BRD3: variants seen among roughly 807,000 people sequenced by gnomAD.
BRD3 encodes the protein bromodomain containing 3.
Under a neutral mutation model 66.8 loss-of-function variants are expected in BRD3, and 17 were observed. The ratio of observed to expected loss-of-function variants is 0.25; its 90% CI spans 0.17 to 0.38. The LOEUF (loss-of-function observed/expected upper bound fraction) is 0.38, where lower values mean the gene tolerates loss of function less well. BRD3 is among the 10% of genes least tolerant of loss of function. The pLI is 1.00. For synonymous variants in BRD3, 421 were observed against 393.2 expected (o/e 1.07, Z -0.84); for missense variants, 713 against 956.1 (o/e 0.75, Z 3.35).
At chr9:134,049,556 G>T (rs1207778897) in intron 5 of BRD3, among the ~76,000 whole-genome samples, 1 of 152,236 alleles carries the variant, frequency 6.6e-6, no homozygotes, top group Non-Finnish European at 1.5e-5. Flanking sequence ...GTCTGGCCGT[G>T]GCAAATGGGA....
chr9:134,048,039 C>T, intron 6 of BRD3, 44 bp downstream of exon 6: 1 of 1,506,330 alleles, frequency 6.6e-7, no homozygotes, highest in Non-Finnish European at 8.9e-7. Flanking sequence ...CACGGCAGAG[C>T]CGCAGGACAT....
chr9:134,055,204 C>T (rs1376251915), intron 1 of BRD3, among the ~76,000 whole-genome samples: 1 of 152,226 alleles, frequency 6.6e-6, no homozygotes, highest in East Asian at 1.9e-4. Context: ...CTGCTCTGCC[C>T]CGCAAGGACC....
rs372624324 is a variant in BRD3 at position 134,053,423 on chromosome 9, C to G, written c.55G>C (p.Val19Leu). ...GAGACCTCCGGGGGGGGTGGGTTCA[C>G]AGGGCCCGGGGTCGCCGGGATCCCC... The part of the protein sequence containing the change: ...PAGIPATPGP[V>L]NPPPPEVSNP... The change falls in exon 2 of 12, where the codon GTG (valine) becomes CTG (leucine). Residue 19 changes from valine (V) to leucine (L), a missense_variant. By Grantham distance (32) the Val-to-Leu change is conservative. Coordinates refer to ENST00000303407, the MANE Select transcript of BRD3 (RefSeq NM_007371.4). The G allele has an allele frequency of 6.2e-7, 1 of 1,612,034 alleles. No individual in the cohort carries two copies. Among genetic ancestry groups the G allele is most frequent in the Non-Finnish European group, 8.5e-7 (1 of 1,179,900 alleles).
chr9:134,039,914 ATCAC>A, intron 9 of BRD3, 116 bp downstream of exon 9: 1 of 1,464,722 alleles, frequency 6.8e-7, no homozygotes. Flanking sequence ...CCCTGCCCCC[ATCAC>A]CCTGGTTTCC....
chr9:134,032,011 G>C lies in BRD3; in HGVS notation c.*1579C>G, dbSNP rs145262108. On this transcript the variant is annotated 3_prime_UTR_variant, in exon 12 of 12. Coordinates refer to ENST00000303407, the MANE Select transcript of BRD3 (RefSeq NM_007371.4). Reference sequence around the variant, plus strand: ...ACCCCTGGGGAGGGCAGACAGGCTCGGGAGGGCCTGGCCAGGCCACTGGAG... The same window carrying C: ...ACCCCTGGGGAGGGCAGACAGGCTCCGGAGGGCCTGGCCAGGCCACTGGAG... 1 of 216,410 alleles carries C rather than the reference G, an allele frequency of 4.6e-6. No homozygotes were observed. Among genetic ancestry groups the C allele is most frequent in the Non-Finnish European group, 9.3e-6 (1 of 107,276 alleles). 13.4% of individuals were successfully genotyped at this position (216,410 alleles called of 1,614,324 possible).
intron 1 of BRD3, chr9:134,058,015 A>G (rs1004342824): frequency 6.6e-6 from 1 of 152,338 alleles, no homozygotes; most frequent in East Asian, 1.9e-4. Flanking sequence ...AGAGGGAGGC[A>G]TGGAGCGCCC....
At position 134,048,372 on chromosome 9, in the gene BRD3, G is replaced by A. The variant is rs147034361; in HGVS notation, c.797C>T (p.Pro266Leu). Residue 266 changes from proline to leucine, a missense_variant, in exon 6 of 12, where the codon CCG (proline) becomes CTG (leucine). Coordinates refer to ENST00000303407, the MANE Select transcript of BRD3 (RefSeq NM_007371.4). ...TTTGGCCTGCTTGGGGTCTGACAACGGCGGGGGCGACTCACTCCGGCTGGC... is the reference window on the plus strand; with the variant it reads ...TTTGGCCTGCTTGGGGTCTGACAACAGCGGGGGCGACTCACTCCGGCTGGC... ...ITASRSESPP[P>L]LSDPKQAKVV... 4.3e-5 allele frequency: 69 copies of A among 1,598,594 alleles called. No homozygotes were observed. Among genetic ancestry groups the A allele is most frequent in the East Asian group, 1.3e-4 (6 of 44,870 alleles).
In BRD3 at chr9:134,034,805, G is replaced by C. The variant is rs751413175; in HGVS notation, c.1961C>G (p.Ala654Gly). The C allele has an allele frequency of 6.2e-7, 1 of 1,612,202 alleles. No homozygotes were observed. The highest frequency in any genetic ancestry group is 2.2e-5 in the East Asian group (1 of 44,876). Residue 654 changes from alanine to glycine, a missense_variant, in exon 11 of 12, where the codon GCC becomes GGC. By Grantham distance (60) the Ala-to-Gly change is moderately conservative. This residue lies in a region of BRD3 where 418 missense variants were observed against 609.3 expected (regional missense o/e 0.69). Coordinates refer to ENST00000303407, the MANE Select transcript of BRD3 (RefSeq NM_007371.4). ...PFSASGKKQA[A>G]KSKEELAQEK... ...CTGAGCTAGCTCCTCTTTCGACTTG[G>C]CTGCCTGTTTCTTCCCGCTTGCTGC...
chr9:134,064,107 A>G (rs736903), intron 1 of BRD3, among the ~76,000 whole-genome samples: 53,749 of 152,136 alleles, frequency 0.35, 10,001 homozygotes, highest in Middle Eastern at 0.53. Context: ...GCACGGACAC[A>G]ACAGGGTCCG....
At position 134,033,513 on chromosome 9, in the gene BRD3, TA is replaced by T. The variant is rs1409537461; in HGVS notation, c.*76del. On this transcript the variant is annotated 3_prime_UTR_variant, in exon 12 of 12. Coordinates refer to ENST00000303407, the MANE Select transcript of BRD3 (RefSeq NM_007371.4). This position sits in a 1 kb window ranked among gnomAD's most constrained non-coding sequence, Gnocchi z 5.1. ...CCTGCACACCATGGAACAGAAGTAG[TA>T]ATATGAACCACAGAGGGGTACGGCA... 3 of 661,992 alleles carry T rather than the reference TA, an allele frequency of 4.5e-6. No individual in the cohort carries two copies. Among genetic ancestry groups the T allele is most frequent in the African/African-American group, 1.8e-5 (1 of 56,026 alleles). 41.0% of individuals were successfully genotyped at this position (661,992 alleles called of 1,614,324 possible). A position where few individuals can be genotyped will look rare whatever the true frequency, so the allele number is the denominator to read the frequency against.
chr9:134,062,000 C>T (rs775147466), intron 1 of BRD3, among the ~76,000 whole-genome samples: 4 of 152,212 alleles, frequency 2.6e-5, no homozygotes, highest in Non-Finnish European at 5.9e-5. Context: ...CAGCGGCCAC[C>T]CTCCAGGACT....
At chr9:134,062,470 C>T (rs1380123096) in intron 1 of BRD3, among the ~76,000 whole-genome samples, 1 of 152,164 alleles carries the variant, frequency 6.6e-6, no homozygotes, top group African/African-American at 2.4e-5. Flanking sequence ...TCATATGCCT[C>T]CTGCTTTCTG....
At position 134,047,116 on chromosome 9, in the gene BRD3, C is replaced by T. The variant is rs576894443; in HGVS notation, c.1086+967G>A. Among the ~76,000 whole-genome samples the T allele has an allele frequency of 1.4e-4, 22 of 152,354 alleles. 1 individual carries two copies. Among genetic ancestry groups the T allele is most frequent in the African/African-American group, 4.8e-4 (20 of 41,584 alleles). ...TCGTCACTTTCACCTGACTGTGCAC[C>T]GGGCTCTGGGGCCTGGGCCAGCCAG... On this transcript the variant is annotated intron_variant, in intron 6 of 11. Coordinates refer to ENST00000303407, the MANE Select transcript of BRD3 (RefSeq NM_007371.4).
chr9:134,056,485 G>T (rs1035964075), intron 1 of BRD3, among the ~76,000 whole-genome samples: 2 of 152,164 alleles, frequency 1.3e-5, no homozygotes, highest in Non-Finnish European at 2.9e-5. Context: ...GCAAAAACTC[G>T]AGGACAACAC....
chr9:134,053,758 G>A, intron 1 of BRD3, 168 bp from the exon 2 acceptor site: 1 of 566,492 alleles, frequency 1.8e-6, no homozygotes. Flanking sequence ...CGGGAAAGCT[G>A]CTCAGGCGAA....
In BRD3 at chr9:134,036,465, A is replaced by C. The variant is rs576408310; in HGVS notation, c.1644-141T>G. 87 of 1,576,794 alleles carry C rather than the reference A, an allele frequency of 5.5e-5. No individual in the cohort carries two copies. In the East Asian group the frequency reaches 2.0e-3, roughly 36 times the overall value. On this transcript the variant is annotated intron_variant, in intron 9 of 11. Transcript: ENST00000303407. The stretch of plus-strand genomic sequence containing the variant: ...CCCAAAGTGGTGCCCCAAGGCAGAA[A>C]ATCCAAGGTTAGAAAAGTCGCTCCC...
At position 134,040,185 on chromosome 9, in the gene BRD3, CCTT is replaced by C. The variant is rs1564549229; in HGVS notation, c.1489_1491del (p.Lys497del). 1.9e-6 allele frequency: 3 copies of C among 1,568,062 alleles called. No homozygotes were observed. The highest frequency in any genetic ancestry group is 1.4e-5 in the African/African-American group (1 of 73,878). On this transcript the variant is annotated inframe_deletion, in exon 9 of 12. Coordinates refer to ENST00000303407, the MANE Select transcript of BRD3 (RefSeq NM_007371.4). ...TTCTCCTTGTCCTTCTTCTTCTTCT[CCTT>C]CTCCTTCTTCTCCTTCTTCTTCTTT...
intron 3 of BRD3, 44 bp from the exon 4 acceptor site, chr9:134,051,753 G>A (rs1384760227): frequency 6.4e-7 from 1 of 1,561,714 alleles, no homozygotes; most frequent in South Asian, 1.2e-5. Context: ...GAAAGGAGCT[G>A]TGTGCTTGCA....
At chr9:134,067,346 G>GCCTTGCC (rs950861461) in intron 1 of BRD3, among the ~76,000 whole-genome samples, 48 of 151,554 alleles carry the variant, frequency 3.2e-4, no homozygotes, top group Non-Finnish European at 6.2e-4. Flanking sequence ...GCCGAGCCCG[G>GCCTTGCC]CCTTGCCCCC....
Sources: allele counts gnomAD v4.1 joint callset (sites outside exome capture counted in the v4.1 genomes callset), GRCh38; gene constraint gnomAD v4.1.1; regional missense constraint gnomAD v4.1.1; non-coding constraint Gnocchi (gnomAD v3.1); transcripts MANE v1.5; gene names NCBI Gene and HGNC (gene_info 2026-07-23, HGNC 2026-07-21).